The following ZNF423 variants were observed in gnomAD, a reference collection of about 807,000 sequenced individuals.
The protein encoded by ZNF423 is zinc finger protein 423, also known as Ebf-associated zinc finger protein.
In ZNF423, 12 loss-of-function variants were observed where a neutral mutation model predicts 95.8. The ratio of observed to expected loss-of-function variants is 0.13; its 90% CI spans 0.08 to 0.20. The LOEUF is 0.20. ZNF423 is among the 10% of genes least tolerant of loss of function. ZNF423 has a pLI of 1.00. For synonymous variants in ZNF423, 749 were observed against 711.9 expected (o/e 1.05, Z -0.83); for missense variants, 1,316 against 1,737.1 (o/e 0.76, Z 4.31).
chr16:49,675,968 A>G (rs749439862), intron 3 of ZNF423, among the ~76,000 whole-genome samples: 1 of 152,166 alleles, frequency 6.6e-6, no homozygotes, highest in Non-Finnish European at 1.5e-5. Flanking sequence ...ACCTGCATAC[A>G]TATGCATGGA....
At chr16:49,732,673 GA>G (rs1567317441) in intron 2 of ZNF423, among the ~76,000 whole-genome samples, 1 of 152,212 alleles carries the variant, frequency 6.6e-6, no homozygotes, top group African/African-American at 2.4e-5. Flanking sequence ...AGACAGACAC[GA>G]AGCAAAGAAT....
intron 3 of ZNF423, among the ~76,000 whole-genome samples, chr16:49,718,889 T>G (rs1003025173): frequency 6.6e-6 from 1 of 152,112 alleles, no homozygotes; most frequent in South Asian, 2.1e-4. Context: ...ACAAACGAAT[T>G]TGGGGGAAAA....
intron 2 of ZNF423, among the ~76,000 whole-genome samples, chr16:49,735,140 G>A (rs1352757884): frequency 6.6e-6 from 1 of 152,126 alleles, no homozygotes; most frequent in Non-Finnish European, 1.5e-5. Context: ...CAACGGCTCT[G>A]CTGATCTCTC....
At chr16:49,710,904 T>C (rs1284557479) in intron 3 of ZNF423, among the ~76,000 whole-genome samples, 3 of 152,152 alleles carry the variant, frequency 2.0e-5, no homozygotes, top group Non-Finnish European at 4.4e-5. Flanking sequence ...CAGGCTTCAC[T>C]TGGGGACATG....
chr16:49,551,525 C>T (rs1969633288), intron 5 of ZNF423, among the ~76,000 whole-genome samples: 1 of 152,216 alleles, frequency 6.6e-6, no homozygotes, highest in South Asian at 2.1e-4. Flanking sequence ...TTCAGTGACA[C>T]TCCCAGGAGG....
intron 2 of ZNF423, among the ~76,000 whole-genome samples, chr16:49,779,619 G>T (rs192987848): frequency 6.6e-6 from 1 of 152,232 alleles, no homozygotes; most frequent in Non-Finnish European, 1.5e-5. Flanking sequence ...AAATGCATGA[G>T]GAGTTATGCC....
At chr16:49,627,554 T>TCCA (rs201098407) in intron 4 of ZNF423, among the ~76,000 whole-genome samples, 3 of 110,598 alleles carry the variant, frequency 2.7e-5, no homozygotes, top group South Asian at 3.0e-4. Context: ...CATCCATCTA[T>TCCA]TCCACCCATC....
chr16:49,644,504 A>AG (rs1973098407), intron 3 of ZNF423, among the ~76,000 whole-genome samples: 1 of 139,468 alleles, frequency 7.2e-6, no homozygotes, highest in Non-Finnish European at 1.6e-5. Flanking sequence ...AAAAAAAAAA[A>AG]GAACAAAATT....
At position 49,637,763 on chromosome 16, in the gene ZNF423, C is replaced by T. The variant is rs755794476; in HGVS notation, c.1413G>A (p.Leu471=). The T allele has an allele frequency of 6.8e-6, 11 of 1,614,126 alleles. No homozygotes were observed. Among genetic ancestry groups the T allele is most frequent in the Non-Finnish European group, 9.3e-6 (11 of 1,180,042 alleles). Residue 471 remains leucine (L), a synonymous_variant, in exon 4 of 8, where the codon CTG becomes CTA. Coordinates refer to ENST00000563137, the MANE Select transcript of ZNF423 (RefSeq NM_001379286.1). This position sits in a 1 kb window ranked among gnomAD's most constrained non-coding sequence, Gnocchi z 5.6. ...TCACAGGGTAGGCATGGTTCTTGTG[C>T]AGCTTGCGAACGTGCTCGTTGAGGT... ...LYNLNEHVRK[L]HKNHAYPVMQ...
At position 49,709,168 on chromosome 16, in the gene ZNF423, T is replaced by TTTTTTATATATACATATATA. The variant is rs68002485; in HGVS notation, c.301+21602_301+21603insTATATATGTATATATAAAAA. On this transcript the variant is annotated intron_variant, in intron 3 of 7. Coordinates refer to ENST00000563137, the MANE Select transcript of ZNF423 (RefSeq NM_001379286.1). ...AAAAACTCAAACGTTCAGCAGCCGTTTATATATATATATATGAAAACGGAG... is the reference window on the plus strand; with the variant it reads ...AAAAACTCAAACGTTCAGCAGCCGTTTTTTTATATATACATATATATATATATATATATATGAAAACGGAG... Among the ~76,000 whole-genome samples the TTTTTTATATATACATATATA allele has an allele frequency of 4.2e-3, 397 of 93,448 alleles. 15 individuals carry two copies. The highest frequency in any genetic ancestry group is 0.032 in the Admixed American group (309 of 9,700). 61.3% of individuals were successfully genotyped at this position (93,448 alleles called of 152,430 possible).
At chr16:49,748,500 C>G (rs890516830) in intron 2 of ZNF423, among the ~76,000 whole-genome samples, 10 of 152,186 alleles carry the variant, frequency 6.6e-5, no homozygotes, top group Non-Finnish European at 1.2e-4. Context: ...TAAAACGCGT[C>G]TTGGCCCCCT....
intron 3 of ZNF423, among the ~76,000 whole-genome samples, chr16:49,659,962 T>G (rs1451293888): frequency 6.6e-6 from 1 of 152,228 alleles, no homozygotes; most frequent in Non-Finnish European, 1.5e-5. Context: ...GTCAGGCCAC[T>G]CGTCAGGGTG....
At chr16:49,524,866 C>T (rs1021024454) in intron 6 of ZNF423, among the ~76,000 whole-genome samples, 19 of 152,234 alleles carry the variant, frequency 1.2e-4, no homozygotes, top group African/African-American at 4.3e-4. Context: ...CCTGGGCCGG[C>T]AGCCAGTCTG....
intron 5 of ZNF423, among the ~76,000 whole-genome samples, chr16:49,608,012 C>T (rs1216959020): frequency 6.6e-6 from 1 of 152,174 alleles, no homozygotes; most frequent in Non-Finnish European, 1.5e-5. Context: ...TTCTACCACC[C>T]CATATCTTCA....
At chr16:49,774,591 C>G (rs1454788438) in intron 2 of ZNF423, among the ~76,000 whole-genome samples, 1 of 152,184 alleles carries the variant, frequency 6.6e-6, no homozygotes, top group Non-Finnish European at 1.5e-5. Flanking sequence ...CCTAACTGCA[C>G]CCCTGTTGGA....
At chr16:49,510,038 C>T (rs1015957363) in intron 7 of ZNF423, among the ~76,000 whole-genome samples, 1 of 152,240 alleles carries the variant, frequency 6.6e-6, no homozygotes, top group Non-Finnish European at 1.5e-5. Context: ...CTGCCACTTA[C>T]CAGCCGTGGG....
intron 5 of ZNF423, among the ~76,000 whole-genome samples, chr16:49,618,272 C>T (rs1001761548): frequency 1.1e-4 from 16 of 152,228 alleles, no homozygotes; most frequent in African/African-American, 3.9e-4. Flanking sequence ...AGTGTGATAA[C>T]ACCTGCAGAT....
chr16:49,853,440 A>C (rs1316498206), intron 1 of ZNF423, among the ~76,000 whole-genome samples: 2 of 152,162 alleles, frequency 1.3e-5, no homozygotes, highest in Non-Finnish European at 2.9e-5. Flanking sequence ...ACAGAATAAA[A>C]GGTAAAATGG....
intron 5 of ZNF423, among the ~76,000 whole-genome samples, chr16:49,572,338 G>C (rs1970378266): frequency 6.6e-6 from 1 of 152,218 alleles, no homozygotes; most frequent in African/African-American, 2.4e-5. Flanking sequence ...ACCACAGAGA[G>C]TGGGAAGGAT....
Sources: gnomAD v4.1 joint callset for allele counts (sites outside exome capture counted in the v4.1 genomes callset) on GRCh38, gnomAD v4.1.1 for gene constraint, Gnocchi (gnomAD v3.1) non-coding constraint, MANE v1.5 for transcripts, NCBI Gene and HGNC (gene_info 2026-07-23, HGNC 2026-07-21) for gene names.